The following GALE variants were observed in gnomAD, a reference collection of about 807,000 sequenced individuals.
The protein encoded by GALE is UDP-galactose-4-epimerase, also known as UDP-glucose 4-epimerase.
A neutral mutation model predicts 44.1 loss-of-function variants in GALE; 32 were observed. That is an observed-to-expected ratio of 0.73 (90% CI 0.55 to 0.97). GALE has a LOEUF of 0.97. Ranked by LOEUF, GALE falls within the 50% of genes least tolerant of loss-of-function variation. GALE has a pLI of 0.00. For missense variants in GALE, 423 were observed against 455.6 expected (o/e 0.93, Z 0.65); for synonymous variants, 182 against 183.5 (o/e 0.99, Z 0.06).
At chr1:23,797,538 T>G (rs1260706242) in intron 6 of GALE, among the ~76,000 whole-genome samples, 157 bp downstream of exon 6, 1 of 152,002 alleles carries the variant, frequency 6.6e-6, no homozygotes, top group Non-Finnish European at 1.5e-5. Context: ...ATTTATTATC[T>G]TTAGAAACAA....
intron 6 of GALE, among the ~76,000 whole-genome samples, 197 bp from the exon 7 acceptor site, chr1:23,797,344 G>C (rs1258022377): frequency 1.3e-5 from 2 of 151,992 alleles, no homozygotes; most frequent in Non-Finnish European, 2.9e-5. Flanking sequence ...TCAGCCTCCC[G>C]AATAGCTGGG....
chr1:23,799,012 C>A lies in GALE; in HGVS notation c.-5G>T. On this transcript the variant is annotated splice_region_variant and 5_prime_UTR_variant, in exon 3 of 12. Coordinates refer to ENST00000617979, the MANE Select transcript of GALE (RefSeq NM_001008216.2). ...TACCAGCACCTTCTCTGCCATGGCA[C>A]CTGGCCCAGGATACAGAGTCTCAGA... 3.7e-6 allele frequency: 6 copies of A among 1,614,194 alleles called. No homozygotes were observed. Among genetic ancestry groups the A allele is most frequent in the Non-Finnish European group, 5.1e-6 (6 of 1,180,042 alleles).
In GALE at chr1:23,796,477, G is replaced by C. The variant is rs1179214790; in HGVS notation, c.873+32C>G. 1 of 1,601,392 alleles carries C rather than the reference G, an allele frequency of 6.2e-7. No homozygotes were observed. The highest frequency in any genetic ancestry group is 2.2e-4 in the Middle Eastern group (1 of 4,462). ...GTTGCTGAGAGCTGGGTGGGGTGAG[G>C]TGGGTGAGGTGGGTGGGGCGGGGGG... On this transcript the variant is annotated intron_variant, in intron 10 of 11. Coordinates refer to ENST00000617979, the MANE Select transcript of GALE (RefSeq NM_001008216.2). This position sits in a 1 kb window ranked among gnomAD's most constrained non-coding sequence, Gnocchi z 5.2.
chr1:23,798,535 G>T lies in GALE; in HGVS notation c.237+80C>A. 9.8e-7 allele frequency: 1 copy of T among 1,017,570 alleles called. No homozygotes were observed. Among genetic ancestry groups the T allele is most frequent in the Non-Finnish European group, 1.5e-6 (1 of 646,230 alleles). 63.0% of individuals were successfully genotyped at this position (1,017,570 alleles called of 1,614,324 possible). A position where few individuals can be genotyped will look rare whatever the true frequency, so the allele number is the denominator to read the frequency against. On this transcript the variant is annotated intron_variant, in intron 4 of 11. Coordinates refer to ENST00000617979, the MANE Select transcript of GALE (RefSeq NM_001008216.2). The surrounding 1 kb of genome is among the most constrained non-coding windows in gnomAD (Gnocchi z 4.5). ...TGAGCAGGCTGGTCTTGAACACCTG[G>T]GCTCAAGTGATCTCCTCACCTCGGC...
At position 23,798,272 on chromosome 1, in the gene GALE, GTCCT is replaced by G. The variant is rs1557480519; in HGVS notation, c.238-46_238-43del. On this transcript the variant is annotated intron_variant, in intron 4 of 11. Coordinates refer to ENST00000617979, the MANE Select transcript of GALE (RefSeq NM_001008216.2). This position sits in a 1 kb window ranked among gnomAD's most constrained non-coding sequence, Gnocchi z 4.5. ...GCCAGAGGTTGCTCTACTGGTTTTA[GTCCT>G]TGGCAATGCCCTCAGCCTGCCTGCC... The G allele has an allele frequency of 6.9e-7, 1 of 1,445,990 alleles. No homozygotes were observed. The highest frequency in any genetic ancestry group is 1.4e-5 in the African/African-American group (1 of 71,426). The allele number at this position is 1,445,990 out of a possible 1,614,324, so 89.6% of individuals were successfully genotyped here. A position where few individuals can be genotyped will look rare whatever the true frequency, so the allele number is the denominator to read the frequency against.
In GALE at chr1:23,797,774, G is replaced by A. The variant is rs765353795; in HGVS notation, c.449C>T (p.Thr150Met). 29 of 1,613,744 alleles carry A rather than the reference G, an allele frequency of 1.8e-5. No homozygotes were observed. In the Admixed American group the frequency reaches 3.3e-4, roughly 19 times the overall value. ...QYLPLDEAHP[T>M]GGCTNPYGKS... ...GCCGTAAGGGTTGGTACAACCACCCGTGGGGTGGGCCTCATCAAGGGGCAG... is the reference window on the plus strand; with the variant it reads ...GCCGTAAGGGTTGGTACAACCACCCATGGGGTGGGCCTCATCAAGGGGCAG... The change falls in exon 6 of 12, where the codon ACG becomes ATG. Residue 150 changes from threonine (T) to methionine (M), a missense_variant. Physicochemically the swap from Thr to Met is moderately conservative, Grantham distance 81 (BLOSUM62 -1). Coordinates refer to ENST00000617979, the MANE Select transcript of GALE (RefSeq NM_001008216.2).
rs1180047545 is a variant in GALE, at chr1:23,797,879, T to G, written c.352-8A>C. On this transcript the variant is annotated splice_polypyrimidine_tract_variant and splice_region_variant and intron_variant, in intron 5 of 11. Transcript: ENST00000617979. ...CCCGTGGGCCTTCATGATCTGGCCG[T>G]GGAGAGATGGCATCAGTGACCTCTG... 2 of 1,614,086 alleles carry G rather than the reference T, an allele frequency of 1.2e-6. No individual in the cohort carries two copies. Among genetic ancestry groups the G allele is most frequent in the Non-Finnish European group, 1.7e-6 (2 of 1,179,918 alleles).
At position 23,796,061 on chromosome 1, in the gene GALE, C is replaced by G; in HGVS notation, c.989-54G>C. The G allele has an allele frequency of 6.2e-7, 1 of 1,607,004 alleles. No individual in the cohort carries two copies. Among genetic ancestry groups the G allele is most frequent in the Non-Finnish European group, 8.5e-7 (1 of 1,174,344 alleles). On this transcript the variant is annotated intron_variant, in intron 11 of 11. Coordinates refer to ENST00000617979, the MANE Select transcript of GALE (RefSeq NM_001008216.2). The surrounding 1 kb of genome is among the most constrained non-coding windows in gnomAD (Gnocchi z 5.2). ...GCCCACGGTGGAATGCAGAGCCTCC[C>G]CCACCCCACAGCCCGCCCTGGGTGG...
intron 1 of GALE, 46 bp from the exon 2 acceptor site, chr1:23,799,482 A>G (rs1639063539): frequency 1.1e-5 from 3 of 272,130 alleles, no homozygotes; most frequent in Non-Finnish European, 2.2e-5. Context: ...CCAGGGTCGC[A>G]GGAAGGGGTT....
rs777627019 is a variant in GALE at position 23,796,617 on chromosome 1, G to C, written c.796-31C>G. 5.6e-6 allele frequency: 9 copies of C among 1,614,080 alleles called. No homozygotes were observed. Among genetic ancestry groups the C allele is most frequent in the Middle Eastern group, 1.7e-4 (1 of 6,058 alleles). On this transcript the variant is annotated intron_variant, in intron 9 of 11. Coordinates refer to ENST00000617979, the MANE Select transcript of GALE (RefSeq NM_001008216.2). The surrounding 1 kb of genome is among the most constrained non-coding windows in gnomAD (Gnocchi z 5.2). The stretch of plus-strand genomic sequence containing the variant: ...CCACGGAGAACAGGGTTTATGGAGC[G>C]GGCTGGACTGACCACGCCTCTGGGC...
At chr1:23,800,272 A>AGCCGCC (rs1639087058) in intron 1 of GALE, 2 of 152,788 alleles carry the variant, frequency 1.3e-5, no homozygotes, top group African/African-American at 4.8e-5. Flanking sequence ...GCCGCGCCGA[A>AGCCGCC]GCCGCCCCCG....
Position 23,798,007 on chromosome 1 carries a change from G to T in GALE, c.351+110C>A. On this transcript the variant is annotated intron_variant, in intron 5 of 11. Transcript: ENST00000617979. This position sits in a 1 kb window ranked among gnomAD's most constrained non-coding sequence, Gnocchi z 4.5. ...GGGGAAACTGAGACTGGGAGGTAAA[G>T]ACATGAGTCCAGGATGATACAGCTT... The T allele has an allele frequency of 7.6e-7, 1 of 1,316,486 alleles. No homozygotes were observed. The highest frequency in any genetic ancestry group is 1.4e-5 in the African/African-American group (1 of 69,138). 81.6% of individuals were successfully genotyped at this position (1,316,486 alleles called of 1,614,324 possible). A position where few individuals can be genotyped will look rare whatever the true frequency, so the allele number is the denominator to read the frequency against.
chr1:23,798,595 C>T lies in GALE; in HGVS notation c.237+20G>A, dbSNP rs370761057. The T allele has an allele frequency of 1.3e-5, 20 of 1,564,824 alleles. No homozygotes were observed. The African/African-American group carries it at 2.0e-4, about 16-fold the overall frequency. ...TGCTGGAATTACAGGCGTGAGCCAC[C>T]GTGCCCAGCCTGCACCCACCTTTTT... On this transcript the variant is annotated intron_variant, in intron 4 of 11. Coordinates refer to ENST00000617979, the MANE Select transcript of GALE (RefSeq NM_001008216.2). This position sits in a 1 kb window ranked among gnomAD's most constrained non-coding sequence, Gnocchi z 4.5.
rs771975150 is a variant in GALE at position 23,796,633 on chromosome 1, G to A, written c.796-47C>T. 3.1e-6 allele frequency: 5 copies of A among 1,614,058 alleles called. No individual in the cohort carries two copies. Among genetic ancestry groups the A allele is most frequent in the African/African-American group, 2.7e-5 (2 of 75,022 alleles). ...TTATGGAGCGGGCTGGACTGACCAC[G>A]CCTCTGGGCCGCTCTGCCTGGATCT... is the stretch of plus-strand genomic sequence containing the variant. On this transcript the variant is annotated intron_variant, in intron 9 of 11. Coordinates refer to ENST00000617979, the MANE Select transcript of GALE (RefSeq NM_001008216.2). This position sits in a 1 kb window ranked among gnomAD's most constrained non-coding sequence, Gnocchi z 5.2.
chr1:23,795,956 T>C lies in GALE; in HGVS notation c.1040A>G (p.Gln347Arg). ...QKQNPSGFGTQA is the reference protein window; with the variant it reads ...QKQNPSGFGTRA Reference sequence around the variant, plus strand: ...CTTGGTAGGGGAGGGTCCTCAGGCTTGCGTGCCAAAGCCTGAAGGATTCTG... The same window carrying C: ...CTTGGTAGGGGAGGGTCCTCAGGCTCGCGTGCCAAAGCCTGAAGGATTCTG... Residue 347 changes from glutamine to arginine, a missense_variant, in exon 12 of 12, where the codon CAA (glutamine) becomes CGA (arginine). Gln to Arg is a conservative substitution (Grantham distance 43). Transcript: ENST00000617979. The C allele has an allele frequency of 6.2e-7, 1 of 1,613,930 alleles. No individual in the cohort carries two copies. The highest frequency in any genetic ancestry group is 8.5e-7 in the Non-Finnish European group (1 of 1,179,948).
intron 6 of GALE, 105 bp downstream of exon 6, chr1:23,797,590 C>G: frequency 8.9e-7 from 1 of 1,125,542 alleles, no homozygotes; most frequent in Non-Finnish European, 1.3e-6. Context: ...TGAGCCTTAG[C>G]TTCCTCCTTA....
At position 23,796,486 on chromosome 1, in the gene GALE, G is replaced by T. The variant is rs773809070; in HGVS notation, c.873+23C>A. The stretch of plus-strand genomic sequence containing the variant: ...AGCTGGGTGGGGTGAGGTGGGTGAG[G>T]TGGGTGGGGCGGGGGGGCCTACCTT... On this transcript the variant is annotated intron_variant, in intron 10 of 11. Transcript: ENST00000617979. This position sits in a 1 kb window ranked among gnomAD's most constrained non-coding sequence, Gnocchi z 5.2. The T allele has an allele frequency of 2.5e-6, 4 of 1,605,640 alleles. No homozygotes were observed. The African/African-American group carries it at 5.4e-5, about 22-fold the overall frequency.
rs1639029018 is a variant in GALE, at chr1:23,798,356, G to A, written c.238-126C>T. On this transcript the variant is annotated intron_variant, in intron 4 of 11. Coordinates refer to ENST00000617979, the MANE Select transcript of GALE (RefSeq NM_001008216.2). The surrounding 1 kb of genome is among the most constrained non-coding windows in gnomAD (Gnocchi z 4.5). The stretch of plus-strand genomic sequence containing the variant: ...GTCTCGCTCTGTTGTCCAGGCTGGA[G>A]TACAGTGGTGCCATCTCAGCTCACC... The A allele has an allele frequency of 2.6e-6, 2 of 756,930 alleles. No homozygotes were observed. The highest frequency in any genetic ancestry group is 2.9e-5 in the South Asian group (2 of 68,156). The allele number at this position is 756,930 out of a possible 1,614,324, so 46.9% of individuals were successfully genotyped here.
chr1:23,799,268 A>G, intron 2 of GALE, 98 bp downstream of exon 2: 1 of 514,948 alleles, frequency 1.9e-6, no homozygotes, highest in Non-Finnish European at 3.5e-6. Flanking sequence ...AAACTTCATG[A>G]GGCAGCGTGA....
Sources: gnomAD v4.1 joint callset for allele counts (sites outside exome capture counted in the v4.1 genomes callset) on GRCh38, gnomAD v4.1.1 for gene constraint, Gnocchi (gnomAD v3.1) non-coding constraint, MANE v1.5 for transcripts, NCBI Gene and HGNC (gene_info 2026-07-23, HGNC 2026-07-21) for gene names.